Variants in KISS1R observed in about 807,000 individuals in gnomAD.
The protein encoded by KISS1R is kiSS-1 receptor.
In KISS1R, 19 loss-of-function variants were observed where a neutral mutation model predicts 22.0. The ratio of observed to expected loss-of-function variants is 0.86; its 90% CI spans 0.60 to 1.26. The LOEUF is 1.26. Ranked by LOEUF, KISS1R falls within the 50% of genes most tolerant of loss-of-function variation. KISS1R has a pLI of 0.00. For synonymous variants in KISS1R, 302 were observed against 283.9 expected (o/e 1.06, Z -0.64); for missense variants, 653 against 581.9 (o/e 1.12, Z -1.26).
chr19:920,221 G>A (rs2037104894), intron 4 of KISS1R, 69 bp from the exon 5 acceptor site: 2 of 1,528,694 alleles, frequency 1.3e-6, no homozygotes, highest in Non-Finnish European at 1.7e-6. Flanking sequence ...TCCAGGAGGG[G>A]CGGTGCGAGG....
Position 918,510 on chromosome 19 carries a change from G to A in KISS1R, c.245-34G>A, listed in dbSNP as rs117902808. 57,625 of 1,538,574 alleles carry A rather than the reference G, an allele frequency of 0.037. 2,089 individuals are homozygous for A. The highest frequency in any genetic ancestry group is 0.23 in the East Asian group (9,319 of 40,830). On this transcript the variant is annotated intron_variant, in intron 1 of 4. Coordinates refer to ENST00000234371, the MANE Select transcript of KISS1R (RefSeq NM_032551.5). ...CTGGGCGGTTCCCGCGGCCAGTGGC[G>A]CCCACGCCCAGCGCCCGCGCATCCC...
At chr19:920,186 G>A in intron 4 of KISS1R, 80 bp downstream of exon 4, 2 of 1,489,720 alleles carry the variant, frequency 1.3e-6, no homozygotes, top group East Asian at 2.6e-5. Context: ...GGGGGCATCT[G>A]CGCGGGCAGG....
In KISS1R at chr19:919,485, C is replaced by A; in HGVS notation, c.370-5C>A. 6.5e-7 allele frequency: 1 copy of A among 1,546,678 alleles called. No individual in the cohort carries two copies. Among genetic ancestry groups the A allele is most frequent in the East Asian group, 2.4e-5 (1 of 41,748 alleles). On this transcript the variant is annotated splice_polypyrimidine_tract_variant and splice_region_variant and intron_variant, in intron 2 of 4. Transcript: ENST00000234371. ...GGCCACACGCCCGGCTGGCGGCTCCCGCAGGTCTCGGTGCAGGCCACGTGT... is the reference window on the plus strand; with the variant it reads ...GGCCACACGCCCGGCTGGCGGCTCCAGCAGGTCTCGGTGCAGGCCACGTGT...
In KISS1R at chr19:917,571, G is replaced by A; in HGVS notation, c.69G>A (p.Pro23=). 1.3e-6 allele frequency: 2 copies of A among 1,532,772 alleles called. No individual in the cohort carries two copies. The highest frequency in any genetic ancestry group is 1.7e-6 in the Non-Finnish European group (2 of 1,143,660). 94.9% of individuals were successfully genotyped at this position (1,532,772 alleles called of 1,614,324 possible). ...CACCGGCCAACGCCTCCGGCTGCCC[G>A]GGCTGTGGCGCCAACGCCTCGGACG... The part of the protein sequence containing the change: ...WGAPANASGC[P]GCGANASDGP... The change falls in exon 1 of 5, where the codon CCG becomes CCA. Residue 23 remains proline (P), a synonymous_variant. Coordinates refer to ENST00000234371, the MANE Select transcript of KISS1R (RefSeq NM_032551.5).
chr19:920,974 G>T lies in KISS1R; in HGVS notation c.*226G>T, dbSNP rs1036337451. On this transcript the variant is annotated 3_prime_UTR_variant, in exon 5 of 5. Coordinates refer to ENST00000234371, the MANE Select transcript of KISS1R (RefSeq NM_032551.5). ...ACATGTGTCAACACAGGACTTTCTG[G>T]ATCATTCCAGAAAGTGTCAGACGTT... 2 of 397,034 alleles carry T rather than the reference G, an allele frequency of 5.0e-6. No individual in the cohort carries two copies. Among genetic ancestry groups the T allele is most frequent in the African/African-American group, 2.1e-5 (1 of 47,712 alleles). The allele number at this position is 397,034 out of a possible 1,614,324, so 24.6% of individuals were successfully genotyped here. A position where few individuals can be genotyped will look rare whatever the true frequency, so the allele number is the denominator to read the frequency against.
At chr19:919,140 G>A (rs1489612846) in intron 2 of KISS1R, among the ~76,000 whole-genome samples, 1 of 148,014 alleles carries the variant, frequency 6.8e-6, no homozygotes, top group East Asian at 2.1e-4. Flanking sequence ...GGAGTGGGGG[G>A]CGGGAATGGG....
At chr19:919,299 C>A (rs1169973667) in intron 2 of KISS1R, among the ~76,000 whole-genome samples, 191 bp from the exon 3 acceptor site, 1 of 152,136 alleles carries the variant, frequency 6.6e-6, no homozygotes, top group Admixed American at 6.5e-5. Context: ...CCTCACTTCC[C>A]CAATCCTCCT....
chr19:918,669 G>A lies in KISS1R; in HGVS notation c.369+1G>A. The A allele has an allele frequency of 6.5e-7, 1 of 1,550,246 alleles. No individual in the cohort carries two copies. On this transcript the variant is annotated splice_donor_variant, in intron 2 of 4. Coordinates refer to ENST00000234371, the MANE Select transcript of KISS1R (RefSeq NM_032551.5). LOFTEE classifies it high-confidence loss of function. ...CAAGTTCGTCAACTACATCCAGCAG[G>A]TGCGCTCCGGAGCAGGAGGGGAGAG... is the stretch of plus-strand genomic sequence containing the variant.
Position 917,369 on chromosome 19 carries a change from A to T in KISS1R, c.-134A>T. The T allele has an allele frequency of 9.2e-7, 1 of 1,083,858 alleles. No individual in the cohort carries two copies. Among genetic ancestry groups the T allele is most frequent in the Non-Finnish European group, 1.2e-6 (1 of 816,140 alleles). 67.1% of individuals were successfully genotyped at this position (1,083,858 alleles called of 1,614,324 possible). ...CGAGCCCAGCACAGCTGCCCTCTGG[A>T]CCCTGCGGACCCCAGCCGAGCCCCT... On this transcript the variant is annotated 5_prime_UTR_variant, in exon 1 of 5. Transcript: ENST00000234371.
chr19:919,803 C>T, intron 3 of KISS1R, 71 bp from the exon 4 acceptor site: 1 of 1,492,080 alleles, frequency 6.7e-7, no homozygotes. Context: ...GCTGGGTGAA[C>T]GCCTCCCGGG....
At position 917,619 on chromosome 19, in the gene KISS1R, C is replaced by A. The variant is rs1372338337; in HGVS notation, c.117C>A (p.Ala39=). The A allele has an allele frequency of 2.5e-6, 4 of 1,575,206 alleles. No homozygotes were observed. The African/African-American group carries it at 5.4e-5, about 21-fold the overall frequency. ...ACGGCCCAGTCCCTTCGCCGCGGGCCGTGGACGCCTGGCTCGTGCCGCTCT... is the reference window on the plus strand; with the variant it reads ...ACGGCCCAGTCCCTTCGCCGCGGGCAGTGGACGCCTGGCTCGTGCCGCTCT... The part of the protein sequence containing the change: ...ASDGPVPSPR[A]VDAWLVPLFF... Residue 39 remains alanine (A), a synonymous_variant, in exon 1 of 5, where the codon GCC becomes GCA. Transcript: ENST00000234371.
chr19:920,312 C>G lies in KISS1R; in HGVS notation c.761C>G (p.Ala254Gly). ...CAGGGGCAGGTGCTGGCAGAGCGCG[C>G]AGGCGCCGTGCGGGCCAAGGTCTCG... ...ALQGQVLAER[A>G]GAVRAKVSRL... The change falls in exon 5 of 5, where the codon GCA becomes GGA. Residue 254 changes from alanine to glycine, a missense_variant. Ala to Gly is a moderately conservative substitution (Grantham distance 60, BLOSUM62 0). Transcript: ENST00000234371. 1 of 1,570,224 alleles carries G rather than the reference C, an allele frequency of 6.4e-7. No individual in the cohort carries two copies. Among genetic ancestry groups the G allele is most frequent in the Non-Finnish European group, 8.6e-7 (1 of 1,166,632 alleles).
chr19:920,566 C>T lies in KISS1R; in HGVS notation c.1015C>T (p.Pro339Ser), dbSNP rs1162638135. The T allele has an allele frequency of 1.3e-6, 2 of 1,545,904 alleles. No individual in the cohort carries two copies. The highest frequency in any genetic ancestry group is 1.7e-6 in the Non-Finnish European group (2 of 1,152,440). The change falls in exon 5 of 5, where the codon CCC becomes TCC. Residue 339 changes from proline (P) to serine (S), a missense_variant. Physicochemically the swap from Pro to Ser is moderately conservative, Grantham distance 74. Transcript: ENST00000234371. ...HFRQAFRRVC[P>S]CAPRRPRRPR... ...CCGACAGGCCTTCCGCCGCGTCTGC[C>T]CCTGCGCGCCGCGCCGCCCCCGCCG...
Position 917,683 on chromosome 19 carries a change from T to C in KISS1R, c.181T>C (p.Ser61Pro). ...GATGCTGCTGGGCCTGGTGGGGAAC[T>C]CGCTGGTCATCTACGTCATCTGCCG... ...ALMLLGLVGN[S>P]LVIYVICRHK... is the part of the protein sequence containing the mutation. Residue 61 changes from serine (S) to proline (P), a missense_variant, in exon 1 of 5, where the codon TCG (serine) becomes CCG (proline). Transcript: ENST00000234371. 2.5e-6 allele frequency: 4 copies of C among 1,596,452 alleles called. No homozygotes were observed. Among genetic ancestry groups the C allele is most frequent in the Non-Finnish European group, 3.4e-6 (4 of 1,172,960 alleles).
Position 920,379 on chromosome 19 carries a change from G to C in KISS1R, c.828G>C (p.Trp276Cys). ...TGGTCCTGCTCTTCGCCGCCTGCTG[G>C]GGCCCCATCCAGCTGTTCCTGGTGC... ...AAVVLLFAAC[W>C]GPIQLFLVLQ... is the part of the protein sequence containing the mutation. The change falls in exon 5 of 5, where the codon TGG becomes TGC. Residue 276 changes from tryptophan (W) to cysteine (C), a missense_variant. By Grantham distance (215) the Trp-to-Cys change is radical. Transcript: ENST00000234371. 1.9e-6 allele frequency: 3 copies of C among 1,589,608 alleles called. No homozygotes were observed. The highest frequency in any genetic ancestry group is 1.7e-6 in the Non-Finnish European group (2 of 1,173,182).
intron 1 of KISS1R, 66 bp downstream of exon 1, chr19:917,812 G>C (rs907443018): frequency 1.5e-5 from 23 of 1,509,924 alleles, no homozygotes; most frequent in Middle Eastern, 2.2e-4. Flanking sequence ...GCGGCCTGGG[G>C]CGCCCTCTCG....
At position 919,506 on chromosome 19, in the gene KISS1R, C is replaced by T. The variant is rs948488190; in HGVS notation, c.386C>T (p.Thr129Met). ...NYIQQVSVQATCATLTAMSVD... is the reference protein window; with the variant it reads ...NYIQQVSVQAMCATLTAMSVD... The stretch of plus-strand genomic sequence containing the variant: ...CTCCCGCAGGTCTCGGTGCAGGCCA[C>T]GTGTGCCACTCTGACCGCCATGAGT... The change falls in exon 3 of 5, where the codon ACG becomes ATG. Residue 129 changes from threonine to methionine, a missense_variant. By Grantham distance (81) the Thr-to-Met change is moderately conservative. Coordinates refer to ENST00000234371, the MANE Select transcript of KISS1R (RefSeq NM_032551.5). The T allele has an allele frequency of 2.6e-6, 4 of 1,555,408 alleles. No homozygotes were observed. The highest frequency in any genetic ancestry group is 1.2e-5 in the South Asian group (1 of 85,408).
At chr19:919,226 T>C (rs915207911) in intron 2 of KISS1R, among the ~76,000 whole-genome samples, 2 of 151,676 alleles carry the variant, frequency 1.3e-5, no homozygotes, top group African/African-American at 2.4e-5. Flanking sequence ...GCCCCGCCTG[T>C]CCCTCCATCC....
In KISS1R at chr19:920,285, C is replaced by T. The variant is rs766713338; in HGVS notation, c.739-5C>T. The stretch of plus-strand genomic sequence containing the variant: ...CGTCTAACCACCTTCACGGCACCCC[C>T]CCAGGGGCAGGTGCTGGCAGAGCGC... On this transcript the variant is annotated splice_polypyrimidine_tract_variant and splice_region_variant and intron_variant, in intron 4 of 4. Coordinates refer to ENST00000234371, the MANE Select transcript of KISS1R (RefSeq NM_032551.5). 5.7e-6 allele frequency: 9 copies of T among 1,569,242 alleles called. No homozygotes were observed. Among genetic ancestry groups the T allele is most frequent in the Non-Finnish European group, 7.7e-6 (9 of 1,166,860 alleles).
Sources: allele counts gnomAD v4.1 joint callset (sites outside exome capture counted in the v4.1 genomes callset), GRCh38; gene constraint gnomAD v4.1.1; transcripts MANE v1.5; gene names NCBI Gene and HGNC (gene_info 2026-07-23, HGNC 2026-07-21).